Variants in ESR1 observed in about 807,000 individuals in gnomAD.
ESR1 encodes estrogen receptor.
A neutral mutation model predicts 52.7 loss-of-function variants in ESR1; 12 were observed. The observed-to-expected ratio is 0.23, with a 90% CI of 0.15 to 0.37. The LOEUF is 0.37. ESR1 is among the 10% of genes least tolerant of loss of function. The probability of loss-of-function intolerance (pLI) is 1.00; values close to 1 mark genes in which losing one functional copy is unlikely to be tolerated. For missense variants in ESR1, 584 were observed against 779.7 expected (o/e 0.75, Z 2.99); for synonymous variants, 305 against 316.8 (o/e 0.96, Z 0.39).
intron 6 of ESR1, among the ~76,000 whole-genome samples, chr6:152,073,023 T>C (rs2048469509): frequency 6.6e-6 from 1 of 152,238 alleles, no homozygotes; most frequent in African/African-American, 2.4e-5. Flanking sequence ...AGCTGATCTT[T>C]TGTACTTGCT....
intron 2 of ESR1, among the ~76,000 whole-genome samples, chr6:151,769,100 T>C (rs1785297276): frequency 6.6e-6 from 1 of 152,224 alleles, no homozygotes; most frequent in Admixed American, 6.5e-5. Flanking sequence ...ATTATCTTGA[T>C]ATTGACTTAC....
At chr6:152,064,948 T>C (rs1482539148) in intron 6 of ESR1, among the ~76,000 whole-genome samples, 1 of 152,222 alleles carries the variant, frequency 6.6e-6, no homozygotes, top group Non-Finnish European at 1.5e-5. Context: ...CCTTGGGTTA[T>C]TGTGGATAAG....
chr6:152,012,787 T>G (rs1185525477), intron 5 of ESR1, among the ~76,000 whole-genome samples: 1 of 152,202 alleles, frequency 6.6e-6, no homozygotes, highest in Non-Finnish European at 1.5e-5. Context: ...TTTTGTTGTT[T>G]CTTGCAATCC....
At chr6:151,989,968 A>G (rs2040858782) in intron 4 of ESR1, among the ~76,000 whole-genome samples, 1 of 152,098 alleles carries the variant, frequency 6.6e-6, no homozygotes, top group Non-Finnish European at 1.5e-5. Context: ...AATATGCATC[A>G]TCTACCATCT....
At chr6:152,008,145 G>A (rs972899760) in intron 4 of ESR1, among the ~76,000 whole-genome samples, 1 of 152,088 alleles carries the variant, frequency 6.6e-6, no homozygotes. Context: ...GTCGAGACCA[G>A]TATATTGGAA....
chr6:151,796,589 G>A (rs571950783), intron 2 of ESR1, among the ~76,000 whole-genome samples: 1 of 152,312 alleles, frequency 6.6e-6, no homozygotes, highest in South Asian at 2.1e-4. Flanking sequence ...ACAGCCATCA[G>A]GATTTATTAG....
intron 2 of ESR1, among the ~76,000 whole-genome samples, chr6:151,872,222 G>A (rs142345493): frequency 6.0e-4 from 91 of 152,222 alleles, no homozygotes; most frequent in African/African-American, 2.0e-3. Flanking sequence ...CTGGGAGGTC[G>A]CTTTGAGTTT....
At chr6:151,940,762 G>A (rs1469800865) in intron 3 of ESR1, among the ~76,000 whole-genome samples, 2 of 152,102 alleles carry the variant, frequency 1.3e-5, no homozygotes, top group African/African-American at 4.8e-5. Flanking sequence ...AATAACTTTT[G>A]ATCAATGTCT....
intron 6 of ESR1, among the ~76,000 whole-genome samples, chr6:152,071,222 T>C (rs2048328066): frequency 8.1e-6 from 1 of 123,378 alleles, no homozygotes; most frequent in South Asian, 2.5e-4. Context: ...AAGACAGATA[T>C]AACAAGAAAA....
intron 6 of ESR1, among the ~76,000 whole-genome samples, chr6:152,123,133 T>C (rs189085238): frequency 7.3e-4 from 111 of 152,378 alleles, no homozygotes; most frequent in African/African-American, 2.3e-3. Flanking sequence ...CTAGCCATCC[T>C]GGATATGCCA....
chr6:152,029,281 G>A (rs1262488226), intron 5 of ESR1, among the ~76,000 whole-genome samples: 1 of 152,220 alleles, frequency 6.6e-6, no homozygotes, highest in Admixed American at 6.5e-5. Flanking sequence ...ACGGAACAAA[G>A]CTGGATGGAG....
At chr6:151,768,002 G>GA (rs1472744078) in intron 2 of ESR1, among the ~76,000 whole-genome samples, 1 of 152,150 alleles carries the variant, frequency 6.6e-6, no homozygotes, top group Non-Finnish European at 1.5e-5. Flanking sequence ...GTGTGTCCAG[G>GA]AAAAAGGTAA....
At chr6:151,785,970 A>C (rs1786982725) in intron 2 of ESR1, among the ~76,000 whole-genome samples, 1 of 152,126 alleles carries the variant, frequency 6.6e-6, no homozygotes. Context: ...TGCGGTAAAG[A>C]TCACAGCCAC....
chr6:152,029,865 G>A (rs958992684), intron 5 of ESR1, among the ~76,000 whole-genome samples: 1 of 152,112 alleles, frequency 6.6e-6, no homozygotes, highest in African/African-American at 2.4e-5. Flanking sequence ...TGAAATGAAG[G>A]AAAAAATGTT....
At chr6:151,744,392 G>A (rs924271519) in intron 2 of ESR1, among the ~76,000 whole-genome samples, 1 of 152,120 alleles carries the variant, frequency 6.6e-6, no homozygotes, top group African/African-American at 2.4e-5. Flanking sequence ...ATTTGTTATT[G>A]TCTTTGATTA....
chr6:151,812,866 C>T (rs1036632428), intron 1 of ESR1, among the ~76,000 whole-genome samples: 10 of 151,578 alleles, frequency 6.6e-5, no homozygotes, highest in Admixed American at 4.6e-4. Flanking sequence ...CCAGCCAAAG[C>T]GAAAGTGTAA....
In ESR1 at chr6:151,666,565, C is replaced by A. The variant is rs183941668; in HGVS notation, n.73+9802C>A. ...TCTTCTTGATTTAACTCTATGAGCT[C>A]TCTGTTCCTTCAAAGTACTGGAGCT... On this transcript the variant is annotated intron_variant and non_coding_transcript_variant, in intron 1 of 2. Coordinates refer to the ESR1 transcript ENST00000473497. Among the ~76,000 whole-genome samples the A allele has an allele frequency of 3.9e-3, 595 of 152,270 alleles. 3 individuals carry two copies. The highest frequency in any genetic ancestry group is 0.013 in the African/African-American group (531 of 41,552).
intron 6 of ESR1, among the ~76,000 whole-genome samples, chr6:152,084,119 G>C (rs1312231973): frequency 1.3e-5 from 2 of 152,188 alleles, no homozygotes; most frequent in East Asian, 3.9e-4. Flanking sequence ...CCTGTCCTTT[G>C]CAGGGACGTG....
chr6:151,775,105 G>A (rs1330775314), intron 2 of ESR1, among the ~76,000 whole-genome samples: 14 of 152,172 alleles, frequency 9.2e-5, no homozygotes, highest in Admixed American at 7.9e-4. Context: ...AGTGGCAGGA[G>A]AGGTGAAAGA....
Sources: gnomAD v4.1 joint callset for allele counts (sites outside exome capture counted in the v4.1 genomes callset) on GRCh38, gnomAD v4.1.1 for gene constraint, MANE v1.5 for transcripts, NCBI Gene and HGNC (gene_info 2026-07-23, HGNC 2026-07-21) for gene names.